The following EPB41L4A variants were observed in gnomAD, a reference collection of about 807,000 sequenced individuals.
EPB41L4A encodes erythrocyte membrane protein band 4.1 like 4A.
Under a neutral mutation model 108.6 loss-of-function variants are expected in EPB41L4A, and 100 were observed. The ratio of observed to expected loss-of-function variants is 0.92; its 90% CI spans 0.78 to 1.09. EPB41L4A has a LOEUF of 1.09. EPB41L4A is among the 50% of genes least tolerant of loss of function. The pLI, the probability that EPB41L4A is intolerant of heterozygous loss-of-function variation, is 0.00. For missense variants in EPB41L4A, 1,030 were observed against 842.7 expected (o/e 1.22, Z -2.75); for synonymous variants, 319 against 289.0 (o/e 1.10, Z -1.05).
intron 12 of EPB41L4A, among the ~76,000 whole-genome samples, chr5:112,233,492 C>T (rs1749105417): frequency 6.6e-6 from 1 of 152,220 alleles, no homozygotes; most frequent in East Asian, 1.9e-4. Context: ...TTATGTTACA[C>T]AATAAAAGAC....
chr5:112,397,391 G>A (rs545465521), intron 1 of EPB41L4A, among the ~76,000 whole-genome samples: 17 of 152,194 alleles, frequency 1.1e-4, no homozygotes, highest in East Asian at 7.7e-4. Context: ...CATGTATTAC[G>A]TCTTAAAAAT....
At chr5:112,245,435 G>C (rs1467062648) in intron 9 of EPB41L4A, among the ~76,000 whole-genome samples, 1 of 152,194 alleles carries the variant, frequency 6.6e-6, no homozygotes, top group African/African-American at 2.4e-5. Flanking sequence ...AGTCCAACTT[G>C]AATGATGCTG....
chr5:112,178,298 A>G (rs1760973560), intron 18 of EPB41L4A, among the ~76,000 whole-genome samples: 1 of 152,192 alleles, frequency 6.6e-6, no homozygotes, highest in African/African-American at 2.4e-5. Context: ...GAGCTTCAAA[A>G]TAACTTGAAG....
chr5:112,398,414 A>C (rs1014534722), intron 1 of EPB41L4A, among the ~76,000 whole-genome samples: 4 of 152,112 alleles, frequency 2.6e-5, no homozygotes, highest in Non-Finnish European at 5.9e-5. Flanking sequence ...TCTTTGAGAC[A>C]GTCTCACTCT....
At chr5:112,286,974 G>C (rs188933454) in intron 2 of EPB41L4A, among the ~76,000 whole-genome samples, 2 of 151,744 alleles carry the variant, frequency 1.3e-5, no homozygotes, top group African/African-American at 4.8e-5. Flanking sequence ...CTTGAAATAC[G>C]TCACACGCTT....
At position 112,163,672 on chromosome 5, in the gene EPB41L4A, T is replaced by G. The variant is rs1482748717; in HGVS notation, c.*1318A>C. Reference sequence around the variant, plus strand: ...AGCTTAAGATAGGGATTAGATGAATTGAGGGCAATGACTAAAGATACTGCT... The same window carrying G: ...AGCTTAAGATAGGGATTAGATGAATGGAGGGCAATGACTAAAGATACTGCT... On this transcript the variant is annotated 3_prime_UTR_variant, in exon 23 of 23. Transcript: ENST00000261486. 2.0e-5 allele frequency: 3 copies of G among 152,150 alleles called. No individual in the cohort carries two copies. Among genetic ancestry groups the G allele is most frequent in the African/African-American group, 7.2e-5 (3 of 41,420 alleles). The allele number at this position is 152,150 out of a possible 1,614,324, so 9.4% of individuals were successfully genotyped here.
At chr5:112,198,917 C>G (rs959127864) in intron 15 of EPB41L4A, among the ~76,000 whole-genome samples, 1 of 152,022 alleles carries the variant, frequency 6.6e-6, no homozygotes, top group Non-Finnish European at 1.5e-5. Context: ...GCCCCCAACC[C>G]CACCCTACAC....
At chr5:112,315,843 T>G (rs776386720) in intron 1 of EPB41L4A, among the ~76,000 whole-genome samples, 4 of 152,100 alleles carry the variant, frequency 2.6e-5, no homozygotes, top group Non-Finnish European at 5.9e-5. Context: ...AGACTTGATA[T>G]GAGACAGTTA....
rs140130263 is a variant in EPB41L4A at position 112,152,404 on chromosome 5, A to C, written n.994+5997T>G. Among the ~76,000 whole-genome samples, 41 of 152,298 alleles carry C rather than the reference A, an allele frequency of 2.7e-4. No homozygotes were observed. In the East Asian group the frequency reaches 7.7e-3, roughly 29 times the overall value. On this transcript the variant is annotated intron_variant and non_coding_transcript_variant, in intron 12 of 13. Coordinates refer to the EPB41L4A transcript ENST00000507810. ...ATGTTTATGTCCCTCCAAAATTCGT[A>C]TGTTGAAATCTAACCTCCAAGGTGA...
rs147375820 is a variant in EPB41L4A, at chr5:112,361,785, G to C, written c.100-54295C>G. ...ACCTGTGGTCACATTTACTCGGGAGGCTGAGGCAGGAGGATCAACTGAGCC... is the reference window on the plus strand; with the variant it reads ...ACCTGTGGTCACATTTACTCGGGAGCCTGAGGCAGGAGGATCAACTGAGCC... On this transcript the variant is annotated intron_variant, in intron 1 of 22. Coordinates refer to ENST00000261486, the MANE Select transcript of EPB41L4A (RefSeq NM_022140.5). Among the ~76,000 whole-genome samples the C allele has an allele frequency of 8.2e-3, 1,245 of 152,108 alleles. 27 individuals are homozygous for C. The highest frequency in any genetic ancestry group is 0.049 in the South Asian group (236 of 4,798).
chr5:112,344,596 C>T (rs1462387504), intron 1 of EPB41L4A, among the ~76,000 whole-genome samples: 1 of 152,202 alleles, frequency 6.6e-6, no homozygotes, highest in African/African-American at 2.4e-5. Context: ...AAGCTGTTTA[C>T]GAGATTATCC....
In EPB41L4A at chr5:112,170,952, G is replaced by C; in HGVS notation, c.1663C>G (p.His555Asp). The C allele has an allele frequency of 6.2e-7, 1 of 1,613,278 alleles. No homozygotes were observed. Among genetic ancestry groups the C allele is most frequent in the Non-Finnish European group, 8.5e-7 (1 of 1,179,246 alleles). The stretch of plus-strand genomic sequence containing the variant: ...AAGAAAACTATTACTCACTGAATGT[G>C]CTTCCATAACTCTTCTTTTGCTTGG... ...DIQAKEELWK[H>D]IQKELVDPSG... The change falls in exon 19 of 23, where the codon CAC becomes GAC. Residue 555 changes from histidine to aspartate, a missense_variant. By Grantham distance (81) the His-to-Asp change is moderately conservative. Coordinates refer to ENST00000261486, the MANE Select transcript of EPB41L4A (RefSeq NM_022140.5).
chr5:112,210,003 A>C, intron 12 of EPB41L4A, 21 bp from the exon 13 acceptor site: 1 of 1,389,178 alleles, frequency 7.2e-7, no homozygotes, highest in Non-Finnish European at 1.0e-6. Flanking sequence ...AGGAGAAGGA[A>C]AGATGGAAGA....
At chr5:112,173,514 T>C (rs1303823010) in intron 18 of EPB41L4A, 1 of 151,866 alleles carries the variant, frequency 6.6e-6, no homozygotes, top group East Asian at 1.9e-4. Context: ...GCCAGGAGAA[T>C]TTCTTACCTT....
intron 12 of EPB41L4A, among the ~76,000 whole-genome samples, chr5:112,216,487 C>T (rs968197930): frequency 9.9e-5 from 15 of 152,208 alleles, no homozygotes; most frequent in African/African-American, 3.4e-4. Flanking sequence ...AAATAACATA[C>T]AGCTAAACAA....
chr5:112,390,804 C>A (rs1000079704), intron 1 of EPB41L4A, among the ~76,000 whole-genome samples: 1 of 152,202 alleles, frequency 6.6e-6, no homozygotes, highest in Non-Finnish European at 1.5e-5. Flanking sequence ...TAGGGGCCAA[C>A]TGACACCTCA....
At chr5:112,142,730 C>G (rs902978929) in exon 14 of EPB41L4A, 1 of 152,226 alleles carries the variant, frequency 6.6e-6, no homozygotes, top group South Asian at 2.1e-4. Flanking sequence ...CTGCTGCTTT[C>G]TAGCTTTATG....
chr5:112,235,674 C>T (rs1749277045), intron 11 of EPB41L4A, among the ~76,000 whole-genome samples: 1 of 152,174 alleles, frequency 6.6e-6, no homozygotes, highest in Non-Finnish European at 1.5e-5. Flanking sequence ...TCATCTTTCA[C>T]ATGCTTCTGT....
chr5:112,164,269 G>T lies in EPB41L4A; in HGVS notation c.*721C>A, dbSNP rs950444973. 6.6e-6 allele frequency: 1 copy of T among 152,208 alleles called. No homozygotes were observed. Among genetic ancestry groups the T allele is most frequent in the African/African-American group, 2.4e-5 (1 of 41,442 alleles). 9.4% of individuals were successfully genotyped at this position (152,208 alleles called of 1,614,324 possible). ...CTTTATATGAATAAAAATATATGCA[G>T]TCTGAAAGTGATGCCTCAGTCCTTT... On this transcript the variant is annotated 3_prime_UTR_variant, in exon 23 of 23. Transcript: ENST00000261486.
Sources: gnomAD v4.1 joint callset for allele counts (sites outside exome capture counted in the v4.1 genomes callset) on GRCh38, gnomAD v4.1.1 for gene constraint, MANE v1.5 for transcripts, NCBI Gene and HGNC (gene_info 2026-07-23, HGNC 2026-07-21) for gene names.